AGBL5: variants seen among roughly 807,000 people sequenced by gnomAD.
The protein encoded by AGBL5 is cytosolic carboxypeptidase-like protein 5.
Under a neutral mutation model 88.0 loss-of-function variants are expected in AGBL5, and 51 were observed. The ratio of observed to expected loss-of-function variants is 0.58; its 90% CI spans 0.46 to 0.73. The LOEUF (loss-of-function observed/expected upper bound fraction) is 0.73. Ranked by LOEUF, AGBL5 falls within the 30% of genes least tolerant of loss-of-function variation. The pLI is 0.00. For missense variants in AGBL5, 1,031 were observed against 1,162.2 expected (o/e 0.89, Z 1.64); for synonymous variants, 446 against 438.8 (o/e 1.02, Z -0.21).
In AGBL5 at chr2:27,054,163, C is replaced by CT. The variant is rs1350852949; in HGVS notation, c.551+110dup. On this transcript the variant is annotated intron_variant, in intron 4 of 14. Transcript: ENST00000360131. The stretch of plus-strand genomic sequence containing the variant: ...AGCTCTGAACCATACTTTCATCCGT[C>CT]TTTTTTCTGTACAGAATGTACAGAC... The CT allele has an allele frequency of 9.4e-6, 13 of 1,380,840 alleles. No homozygotes were observed. In the African/African-American group the frequency reaches 1.0e-4, roughly 11 times the overall value. 85.5% of individuals were successfully genotyped at this position (1,380,840 alleles called of 1,614,324 possible). A position where few individuals can be genotyped will look rare whatever the true frequency, so the allele number is the denominator to read the frequency against.
At chr2:27,068,101 TAAAG>T (rs1176819518) in intron 12 of AGBL5, among the ~76,000 whole-genome samples, 8 of 152,184 alleles carry the variant, frequency 5.3e-5, no homozygotes, top group Admixed American at 5.2e-4. Flanking sequence ...CCCAGCTATA[TAAAG>T]AAAGGGATGG....
At chr2:27,068,339 A>C (rs541525007) in intron 12 of AGBL5, among the ~76,000 whole-genome samples, 3 of 152,246 alleles carry the variant, frequency 2.0e-5, no homozygotes, top group African/African-American at 7.2e-5. Flanking sequence ...CACCCCTTGG[A>C]CCACCAGACT....
intron 7 of AGBL5, 181 bp from the exon 8 acceptor site, chr2:27,056,441 AG>A: frequency 1.5e-6 from 1 of 665,440 alleles, no homozygotes; most frequent in Non-Finnish European, 2.4e-6. Flanking sequence ...TAAAAAAAAA[AG>A]AATTGCTTCC....
At chr2:27,069,056 G>A (rs765117680) in intron 13 of AGBL5, 13 of 1,369,852 alleles carry the variant, frequency 9.5e-6, no homozygotes, top group South Asian at 4.9e-5. Flanking sequence ...AGACCTGTCC[G>A]AGGAGAGTTT....
chr2:27,069,541 C>A, intron 13 of AGBL5, 32 bp from the exon 14 acceptor site: 1 of 1,599,152 alleles, frequency 6.3e-7, no homozygotes, highest in Non-Finnish European at 8.5e-7. Context: ...ATGGAAGAAT[C>A]CAGCCTCTTA....
intron 12 of AGBL5, chr2:27,067,859 C>A: frequency 1.5e-6 from 1 of 651,224 alleles, no homozygotes. Flanking sequence ...TACTATGTGC[C>A]AGGCACTGCT....
At chr2:27,063,298 G>A (rs1668805524) in intron 11 of AGBL5, among the ~76,000 whole-genome samples, 1 of 152,164 alleles carries the variant, frequency 6.6e-6, no homozygotes, top group Non-Finnish European at 1.5e-5. Context: ...GGAACCAAAT[G>A]AATGCTTGTC....
chr2:27,069,925 C>T, intron 14 of AGBL5, 167 bp from the exon 15 acceptor site: 2 of 985,450 alleles, frequency 2.0e-6, no homozygotes, highest in Non-Finnish European at 2.4e-6. Flanking sequence ...GGCCTAAGGT[C>T]TAGGAGCTGG....
chr2:27,059,593 G>C, intron 11 of AGBL5, 189 bp downstream of exon 11: 2 of 1,375,322 alleles, frequency 1.5e-6, no homozygotes, highest in Non-Finnish European at 1.9e-6. Context: ...GAGCGGTATT[G>C]TGTGTGGCCA....
intron 11 of AGBL5, chr2:27,062,293 T>G (rs1221822017): frequency 6.6e-6 from 1 of 151,866 alleles, no homozygotes; most frequent in Non-Finnish European, 1.5e-5. Context: ...CCGCTAATTT[T>G]TTTTGTATTT....
chr2:27,058,654 C>G lies in AGBL5; in HGVS notation c.1874+52C>G, dbSNP rs562883287. The G allele has an allele frequency of 6.3e-6, 10 of 1,586,022 alleles. No individual in the cohort carries two copies. The South Asian group carries it at 1.0e-4, about 16-fold the overall frequency. ...AAGGGTAGGACAGTGGGACAGGGCT[C>G]TAGAGCTAGGAGTTCCAAGGGATTT... is the stretch of plus-strand genomic sequence containing the variant. On this transcript the variant is annotated intron_variant, in intron 10 of 14. Coordinates refer to ENST00000360131, the MANE Select transcript of AGBL5 (RefSeq NM_021831.6).
upstream of AGBL5, among the ~76,000 whole-genome samples, chr2:27,050,749 G>A (rs1017638966): frequency 1.3e-5 from 2 of 152,188 alleles, no homozygotes; most frequent in Non-Finnish European, 2.9e-5. Context: ...GTAAGCATTA[G>A]AGGGCTATCA....
Position 27,055,720 on chromosome 2 carries a change from T to G in AGBL5, c.947T>G (p.Leu316Arg), listed in dbSNP as rs766381819. The G allele has an allele frequency of 6.2e-7, 1 of 1,614,166 alleles. No homozygotes were observed. The highest frequency in any genetic ancestry group is 8.5e-7 in the Non-Finnish European group (1 of 1,180,032). Residue 316 changes from leucine (L) to arginine (R), a missense_variant, in exon 7 of 15, where the codon CTG becomes CGG. Leu to Arg is a moderately radical substitution (Grantham distance 102, BLOSUM62 -2). Coordinates refer to ENST00000360131, the MANE Select transcript of AGBL5 (RefSeq NM_021831.6). ...SRGVNLNRQY[L>R]KPDAVLHPAI... is the part of the protein sequence containing the mutation. ...GGAGTGAATCTGAACCGTCAGTACC[T>G]GAAGCCTGATGCCGTCCTGCACCCG...
At position 27,053,462 on chromosome 2, in the gene AGBL5, T is replaced by G. The variant is rs1300897597; in HGVS notation, c.276T>G (p.Ile92Met). The change falls in exon 3 of 15, where the codon ATT becomes ATG. Residue 92 changes from isoleucine (I) to methionine (M), a missense_variant. By Grantham distance (10) the Ile-to-Met change is conservative. Coordinates refer to ENST00000360131, the MANE Select transcript of AGBL5 (RefSeq NM_021831.6). The surrounding 1 kb of genome is among the most constrained non-coding windows in gnomAD (Gnocchi z 4.9). ...GMPGKLIKIN[I>M]MNMNKQSKLY... ...CAGGAAAACTCATCAAGATCAACAT[T>G]ATGAACATGAACAAGCAGAGCAAGC... is the stretch of plus-strand genomic sequence containing the variant. 6.2e-7 allele frequency: 1 copy of G among 1,613,966 alleles called. No homozygotes were observed. Among genetic ancestry groups the G allele is most frequent in the Non-Finnish European group, 8.5e-7 (1 of 1,180,008 alleles).
At chr2:27,058,791 G>A (rs929216688) in intron 10 of AGBL5, among the ~76,000 whole-genome samples, 189 bp downstream of exon 10, 1 of 152,172 alleles carries the variant, frequency 6.6e-6, no homozygotes, top group African/African-American at 2.4e-5. Context: ...CTTTTATTCT[G>A]AGCTACATAC....
chr2:27,067,121 C>T lies in AGBL5; in HGVS notation c.2090-373C>T, dbSNP rs148876231. 1.4e-4 allele frequency among the ~76,000 whole-genome samples: 21 copies of T among 151,962 alleles called. No homozygotes were observed. The East Asian group carries it at 3.5e-3, about 25-fold the overall frequency. On this transcript the variant is annotated intron_variant, in intron 11 of 14. Coordinates refer to ENST00000360131, the MANE Select transcript of AGBL5 (RefSeq NM_021831.6). ...AAAAAAAATTAGCTGAGCATGGTGG[C>T]GGGCACCTATAGTGCCAGCTGCTCA...
At chr2:27,061,342 T>G (rs1055970837) in intron 11 of AGBL5, 2 of 151,966 alleles carry the variant, frequency 1.3e-5, no homozygotes, top group African/African-American at 4.8e-5. Flanking sequence ...GTTCAAGTGA[T>G]TCTCCTGCCT....
In AGBL5 at chr2:27,070,564, T is replaced by C. The variant is rs1669240409; in HGVS notation, c.*301T>C. On this transcript the variant is annotated 3_prime_UTR_variant, in exon 15 of 15. Transcript: ENST00000360131. The stretch of plus-strand genomic sequence containing the variant: ...TACTGGGCCCTATTCAGTGGCAGCT[T>C]CTTGTTCCATAGGATTAAGGAAGAC... The C allele has an allele frequency of 3.2e-6, 1 of 317,000 alleles. No homozygotes were observed. Among genetic ancestry groups the C allele is most frequent in the Non-Finnish European group, 5.8e-6 (1 of 171,048 alleles). 19.6% of individuals were successfully genotyped at this position (317,000 alleles called of 1,614,324 possible). A position where few individuals can be genotyped will look rare whatever the true frequency, so the allele number is the denominator to read the frequency against.
At chr2:27,056,959 G>A in intron 8 of AGBL5, 167 bp downstream of exon 8, 2 of 683,846 alleles carry the variant, frequency 2.9e-6, no homozygotes, top group East Asian at 3.1e-5. Context: ...TCGTGCCATT[G>A]CACTCCAGCC....
Sources: gnomAD v4.1 joint callset for allele counts (sites outside exome capture counted in the v4.1 genomes callset) on GRCh38, gnomAD v4.1.1 for gene constraint, Gnocchi (gnomAD v3.1) non-coding constraint, MANE v1.5 for transcripts, NCBI Gene and HGNC (gene_info 2026-07-23, HGNC 2026-07-21) for gene names.